The following OPCML variants were observed in gnomAD, a reference collection of about 807,000 sequenced individuals.
OPCML encodes the protein opioid-binding protein/cell adhesion molecule.
Under a neutral mutation model 37.8 loss-of-function variants are expected in OPCML, and 13 were observed. The ratio of observed to expected loss-of-function variants is 0.34; its 90% confidence interval spans 0.22 to 0.55. The LOEUF (loss-of-function observed/expected upper bound fraction) is 0.55, where lower values mean the gene tolerates loss of function less well. Among genes scored for constraint, OPCML ranks in the 20% least tolerant of loss-of-function variants. OPCML has a pLI of 0.91. For missense variants in OPCML, 341 were observed against 435.6 expected (o/e 0.78, Z 1.93); for synonymous variants, 176 against 168.8 (o/e 1.04, Z -0.33).
chr11:133,178,636 A>C (rs1276553534), intron 1 of OPCML, among the ~76,000 whole-genome samples: 1 of 152,132 alleles, frequency 6.6e-6, no homozygotes, highest in Non-Finnish European at 1.5e-5. Flanking sequence ...ACAGTTTCAC[A>C]ACCAGGACAG....
intron 1 of OPCML, among the ~76,000 whole-genome samples, chr11:133,380,054 A>G (rs1044693416): frequency 3.3e-5 from 5 of 152,182 alleles, no homozygotes; most frequent in Non-Finnish European, 7.3e-5. Flanking sequence ...GAACTCTGCT[A>G]AGTTCTGAAA....
chr11:132,770,541 T>C (rs189355452), intron 2 of OPCML, among the ~76,000 whole-genome samples: 1 of 152,268 alleles, frequency 6.6e-6, no homozygotes, highest in African/African-American at 2.4e-5. Context: ...ATAATAAGCC[T>C]TTCATGGGAG....
intron 1 of OPCML, among the ~76,000 whole-genome samples, chr11:133,387,374 G>A (rs1387006882): frequency 6.6e-6 from 1 of 152,162 alleles, no homozygotes; most frequent in Non-Finnish European, 1.5e-5. Flanking sequence ...CACCGGCGGG[G>A]TGTTACATGG....
At chr11:132,651,975 C>T (rs962359494) in intron 3 of OPCML, among the ~76,000 whole-genome samples, 1 of 152,128 alleles carries the variant, frequency 6.6e-6, no homozygotes, top group African/African-American at 2.4e-5. Context: ...CAAAAAGCAA[C>T]CATAGACGGA....
At chr11:132,833,937 A>C (rs1216663302) in intron 2 of OPCML, among the ~76,000 whole-genome samples, 1 of 152,256 alleles carries the variant, frequency 6.6e-6, no homozygotes, top group South Asian at 2.1e-4. Context: ...CAAAAACACC[A>C]GTTCATTCTG....
chr11:132,746,120 A>G (rs1945626941), intron 2 of OPCML, among the ~76,000 whole-genome samples: 1 of 151,684 alleles, frequency 6.6e-6, no homozygotes, highest in Admixed American at 6.6e-5. Context: ...TAACTAACAG[A>G]AAATTCCCTT....
rs116228442 is a variant in OPCML, at chr11:133,097,375, G to A, written c.62-154365C>T. Among the ~76,000 whole-genome samples the A allele has an allele frequency of 2.7e-3, 405 of 152,266 alleles. 1 individual carries two copies. The highest frequency in any genetic ancestry group is 9.1e-3 in the African/African-American group (380 of 41,560). On this transcript the variant is annotated intron_variant, in intron 1 of 7. Coordinates refer to ENST00000524381, the MANE Select transcript of OPCML (RefSeq NM_001012393.5). The stretch of plus-strand genomic sequence containing the variant: ...AACGAAAATGGAACTTATCACATGC[G>A]TGTGATGCACGTAAAGCATGCTTAG...
intron 2 of OPCML, among the ~76,000 whole-genome samples, chr11:132,920,936 C>G (rs61906936): frequency 0.12 from 18,381 of 152,174 alleles, 1,294 homozygotes; most frequent in East Asian, 0.33. Flanking sequence ...CAGCCAGTCC[C>G]TTCCTGCACT....
chr11:133,360,658 G>C (rs1347360637), intron 1 of OPCML: 1 of 152,300 alleles, frequency 6.6e-6, no homozygotes, highest in Non-Finnish European at 1.5e-5. Context: ...GGCAACTTAT[G>C]TTGCTTAATT....
At chr11:132,927,791 A>G (rs1057099573) in intron 2 of OPCML, among the ~76,000 whole-genome samples, 2 of 152,096 alleles carry the variant, frequency 1.3e-5, no homozygotes, top group African/African-American at 4.8e-5. Context: ...CACAATGTAT[A>G]AACCAATAAT....
At chr11:133,496,669 A>T (rs1384220684) in intron 1 of OPCML, among the ~76,000 whole-genome samples, 1 of 152,118 alleles carries the variant, frequency 6.6e-6, no homozygotes, top group Non-Finnish European at 1.5e-5. Flanking sequence ...CTATTGTAAG[A>T]AGGGGTTGAG....
chr11:133,484,138 T>TA (rs1308694256), intron 1 of OPCML, among the ~76,000 whole-genome samples: 3 of 141,630 alleles, frequency 2.1e-5, no homozygotes, highest in African/African-American at 8.5e-5. Context: ...GATAGATAGA[T>TA]GATAGATGGA....
Position 133,349,752 on chromosome 11 carries a change from G to A in OPCML, c.61+182512C>T, listed in dbSNP as rs186754712. 3.3e-4 allele frequency among the ~76,000 whole-genome samples: 51 copies of A among 152,258 alleles called. 1 individual carries two copies. Among genetic ancestry groups the A allele is most frequent in the African/African-American group, 9.6e-4 (40 of 41,542 alleles). ...TGTGAGACAGGAAGAACACAGCTGT[G>A]CTTTCAGATCCCAGACGGAAATAGT... On this transcript the variant is annotated intron_variant, in intron 1 of 7. Coordinates refer to ENST00000524381, the MANE Select transcript of OPCML (RefSeq NM_001012393.5).
chr11:132,778,759 C>G (rs1946891045), intron 2 of OPCML, among the ~76,000 whole-genome samples: 1 of 152,014 alleles, frequency 6.6e-6, no homozygotes, highest in African/African-American at 2.4e-5. Flanking sequence ...AAATCAAGGC[C>G]TATAGAAATT....
intron 2 of OPCML, among the ~76,000 whole-genome samples, chr11:132,766,388 A>G (rs1171970990): frequency 6.6e-6 from 1 of 152,212 alleles, no homozygotes; most frequent in Non-Finnish European, 1.5e-5. Context: ...TCCTTAACCA[A>G]GTGATCATTG....
At chr11:133,142,124 C>T (rs1455272372) in intron 1 of OPCML, among the ~76,000 whole-genome samples, 3 of 152,138 alleles carry the variant, frequency 2.0e-5, no homozygotes, top group South Asian at 4.1e-4. Context: ...ATATTATTTA[C>T]TTTCCTCTAT....
At chr11:133,421,303 C>T in intron 1 of OPCML, 1 of 985,346 alleles carries the variant, frequency 1.0e-6, no homozygotes, top group Non-Finnish European at 1.2e-6. Flanking sequence ...ATGTGGTCAG[C>T]TGTGGGCTCA....
chr11:132,658,715 C>T lies in OPCML; in HGVS notation c.147-1396G>A, dbSNP rs575486832. Among the ~76,000 whole-genome samples, 4 of 152,272 alleles carry T rather than the reference C, an allele frequency of 2.6e-5. No homozygotes were observed. The South Asian group carries it at 8.3e-4, about 32-fold the overall frequency. ...AAGACATTGTTCTTTTCTAAATAAG[C>T]ATGTGAACAATACAAAGTGAATAAT... On this transcript the variant is annotated intron_variant, in intron 2 of 7. Transcript: ENST00000524381.
chr11:133,184,352 G>T (rs1354532289), intron 1 of OPCML, among the ~76,000 whole-genome samples: 2 of 152,082 alleles, frequency 1.3e-5, no homozygotes, highest in African/African-American at 4.8e-5. Flanking sequence ...TATGGAGGTG[G>T]GATTAGTCTT....
Sources: gnomAD v4.1 joint callset for allele counts (sites outside exome capture counted in the v4.1 genomes callset) on GRCh38, gnomAD v4.1.1 for gene constraint, MANE v1.5 for transcripts, NCBI Gene and HGNC (gene_info 2026-07-23, HGNC 2026-07-21) for gene names.